Variants in GPC6 observed in about 807,000 individuals in gnomAD.
The protein encoded by GPC6 is glypican 6.
Under a neutral mutation model 55.2 loss-of-function variants are expected in GPC6, and 14 were observed. The observed-to-expected ratio is 0.25, with a 90% CI of 0.17 to 0.40. The LOEUF is 0.40. Among genes scored for constraint, GPC6 ranks in the 10% least tolerant of loss-of-function variants. The pLI is 1.00. For missense variants in GPC6, 641 were observed against 708.5 expected (o/e 0.90, Z 1.08); for synonymous variants, 278 against 259.6 (o/e 1.07, Z -0.68).
intron 1 of GPC6, among the ~76,000 whole-genome samples, chr13:93,374,171 G>C (rs1470261340): frequency 6.6e-6 from 1 of 152,182 alleles, no homozygotes; most frequent in Non-Finnish European, 1.5e-5. Context: ...CCTAATTTCA[G>C]TAACACACAG....
At chr13:93,436,962 T>TC (rs753235199) in intron 1 of GPC6, among the ~76,000 whole-genome samples, 2 of 152,144 alleles carry the variant, frequency 1.3e-5, no homozygotes, top group Non-Finnish European at 2.9e-5. Flanking sequence ...CATTTTTTTT[T>TC]CTCAACAGAA....
At chr13:94,052,565 C>T (rs1566340718) in intron 4 of GPC6, among the ~76,000 whole-genome samples, 2 of 152,156 alleles carry the variant, frequency 1.3e-5, no homozygotes, top group African/African-American at 2.4e-5. Context: ...TCCTTTAAAA[C>T]TCCTCTAGAG....
chr13:93,446,767 T>C (rs1878021669), intron 1 of GPC6, among the ~76,000 whole-genome samples: 1 of 152,218 alleles, frequency 6.6e-6, no homozygotes. Flanking sequence ...TCTTTGAAAA[T>C]ATGAACTTGA....
At chr13:93,854,810 C>G (rs1266862141) in intron 3 of GPC6, among the ~76,000 whole-genome samples, 2 of 151,642 alleles carry the variant, frequency 1.3e-5, no homozygotes, top group Admixed American at 1.3e-4. Flanking sequence ...CCTTAAGATA[C>G]CTAATTTACT....
Position 93,832,916 on chromosome 13 carries a change from G to A in GPC6, c.711+2371G>A, listed in dbSNP as rs139127860. Among the ~76,000 whole-genome samples, 927 of 152,212 alleles carry A rather than the reference G, an allele frequency of 6.1e-3. 8 individuals carry two copies. The highest frequency in any genetic ancestry group is 0.058 in the Middle Eastern group (17 of 292). On this transcript the variant is annotated intron_variant, in intron 3 of 8. Coordinates refer to ENST00000377047, the MANE Select transcript of GPC6 (RefSeq NM_005708.5). ...TTGCTGTGGGCATGGAATATAGTCC[G>A]TAGGTCATTTAACCTTGGAAAGTTA...
At chr13:94,206,675 G>C (rs931991424) in intron 4 of GPC6, among the ~76,000 whole-genome samples, 1 of 151,982 alleles carries the variant, frequency 6.6e-6, no homozygotes, top group Non-Finnish European at 1.5e-5. Context: ...GCAACATGGA[G>C]AGAGCCCATC....
chr13:93,750,547 T>G (rs771831430), intron 2 of GPC6, among the ~76,000 whole-genome samples: 26 of 152,164 alleles, frequency 1.7e-4, no homozygotes, highest in Non-Finnish European at 3.8e-4. Flanking sequence ...AAAATATCTC[T>G]GAAGCAGATA....
chr13:93,854,634 C>G lies in GPC6; in HGVS notation c.711+24089C>G, dbSNP rs1009581105. Among the ~76,000 whole-genome samples the G allele has an allele frequency of 3.3e-5, 5 of 151,814 alleles. No homozygotes were observed. In the East Asian group the frequency reaches 9.7e-4, roughly 30 times the overall value. On this transcript the variant is annotated intron_variant, in intron 3 of 8. Coordinates refer to ENST00000377047, the MANE Select transcript of GPC6 (RefSeq NM_005708.5). ...ATATTTTCTGATTTTTAAGAAGCATCTACATACATGGAATAACGTTTTAAT... is the reference window on the plus strand; with the variant it reads ...ATATTTTCTGATTTTTAAGAAGCATGTACATACATGGAATAACGTTTTAAT...
At chr13:93,631,898 C>T (rs1292158241) in intron 2 of GPC6, among the ~76,000 whole-genome samples, 1 of 152,108 alleles carries the variant, frequency 6.6e-6, no homozygotes, top group Non-Finnish European at 1.5e-5. Flanking sequence ...TATGTGCCTT[C>T]TGGGATTTTC....
At chr13:93,677,384 A>G (rs958700515) in intron 2 of GPC6, among the ~76,000 whole-genome samples, 3 of 152,128 alleles carry the variant, frequency 2.0e-5, no homozygotes, top group African/African-American at 7.2e-5. Context: ...CACCATTTAT[A>G]ATTGGATTAC....
intron 1 of GPC6, among the ~76,000 whole-genome samples, chr13:93,397,133 G>A (rs1875887614): frequency 6.6e-6 from 1 of 151,912 alleles, no homozygotes; most frequent in South Asian, 2.1e-4. Flanking sequence ...GGAATTACTG[G>A]ATCAAATTAT....
intron 2 of GPC6, among the ~76,000 whole-genome samples, chr13:93,740,414 T>G (rs1227887349): frequency 6.6e-6 from 1 of 152,196 alleles, no homozygotes; most frequent in Non-Finnish European, 1.5e-5. Context: ...CTTAAAGCAT[T>G]GTGCGGCAAT....
At chr13:93,980,997 C>A (rs1880779020) in intron 3 of GPC6, among the ~76,000 whole-genome samples, 1 of 152,170 alleles carries the variant, frequency 6.6e-6, no homozygotes, top group African/African-American at 2.4e-5. Flanking sequence ...CAACTGAAGA[C>A]ATTAAAAAGC....
At chr13:93,427,341 CTT>C (rs1411584288) in intron 1 of GPC6, among the ~76,000 whole-genome samples, 1 of 151,622 alleles carries the variant, frequency 6.6e-6, no homozygotes, top group Non-Finnish European at 1.5e-5. Flanking sequence ...CACTACCTGA[CTT>C]CAAACTATAC....
intron 1 of GPC6, among the ~76,000 whole-genome samples, chr13:93,354,250 G>A (rs551827569): frequency 3.3e-5 from 5 of 151,970 alleles, no homozygotes; most frequent in African/African-American, 1.2e-4. Flanking sequence ...CGGTGGCTGA[G>A]TTGTTCATGG....
intron 2 of GPC6, among the ~76,000 whole-genome samples, chr13:93,675,617 T>G (rs1881557223): frequency 6.6e-6 from 1 of 152,198 alleles, no homozygotes; most frequent in Non-Finnish European, 1.5e-5. Flanking sequence ...GTTCATTTGT[T>G]GAAAAATTAT....
intron 4 of GPC6, among the ~76,000 whole-genome samples, chr13:94,097,683 AT>A (rs1357632748): frequency 6.6e-6 from 1 of 152,156 alleles, no homozygotes; most frequent in African/African-American, 2.4e-5. Context: ...GTGTTTTTGT[AT>A]CACATTAAAG....
At chr13:93,951,606 C>T (rs987802309) in intron 3 of GPC6, among the ~76,000 whole-genome samples, 1 of 152,186 alleles carries the variant, frequency 6.6e-6, no homozygotes, top group Admixed American at 6.5e-5. Context: ...ATTTCTATCA[C>T]CTTAGAAGCA....
intron 4 of GPC6, among the ~76,000 whole-genome samples, chr13:94,185,819 A>G (rs1277684469): frequency 6.6e-6 from 1 of 151,952 alleles, no homozygotes; most frequent in African/African-American, 2.4e-5. Context: ...TTAGCACTTC[A>G]GGAGGCTGAG....
Sources: gnomAD v4.1 joint callset for allele counts (sites outside exome capture counted in the v4.1 genomes callset) on GRCh38, gnomAD v4.1.1 for gene constraint, MANE v1.5 for transcripts, NCBI Gene and HGNC (gene_info 2026-07-23, HGNC 2026-07-21) for gene names.